Variants in TMPRSS9 observed in about 807,000 individuals in gnomAD.
TMPRSS9 encodes the protein transmembrane serine protease 9.
Under a neutral mutation model 111.4 loss-of-function variants are expected in TMPRSS9, and 113 were observed. That is an observed-to-expected ratio of 1.01 (90% CI 0.87 to 1.19). The LOEUF (loss-of-function observed/expected upper bound fraction) is 1.19. Ranked by LOEUF, TMPRSS9 falls within the 50% of genes most tolerant of loss-of-function variation. The pLI, the probability that TMPRSS9 is intolerant of heterozygous loss-of-function variation, is 0.00. For missense variants in TMPRSS9, 1,803 were observed against 1,513.1 expected (o/e 1.19, Z -3.18); for synonymous variants, 805 against 659.1 (o/e 1.22, Z -3.39).
At chr19:2,384,538 A>G (rs58851739) in intron 1 of TMPRSS9, among the ~76,000 whole-genome samples, 16,264 of 151,830 alleles carry the variant, frequency 0.11, 1,704 homozygotes, top group African/African-American at 0.28. Context: ...GGGTGTGGTC[A>G]GGCGCGGTGG....
intron 1 of TMPRSS9, among the ~76,000 whole-genome samples, chr19:2,393,935 G>C (rs1162213204): frequency 6.7e-6 from 1 of 149,140 alleles, no homozygotes; most frequent in Non-Finnish European, 1.5e-5. Flanking sequence ...GGGCGCGGTG[G>C]CTCCCACCTG....
At chr19:2,401,247 C>T (rs527477800) in intron 4 of TMPRSS9, among the ~76,000 whole-genome samples, 1 of 152,110 alleles carries the variant, frequency 6.6e-6, no homozygotes, top group Admixed American at 6.5e-5. Flanking sequence ...GCTCTCCAGC[C>T]TGGGCGACAG....
chr19:2,381,749 G>C (rs1441205541), intron 1 of TMPRSS9, among the ~76,000 whole-genome samples: 1 of 152,144 alleles, frequency 6.6e-6, no homozygotes, highest in African/African-American at 2.4e-5. Flanking sequence ...ATTCTGGCTG[G>C]GCCCCAGCAT....
At chr19:2,424,206 C>T in exon 15 of TMPRSS9, 3 of 1,451,454 alleles carry the variant, frequency 2.1e-6, no homozygotes, top group Non-Finnish European at 2.7e-6. Context: ...CGTTGCGGGG[C>T]CGTGCTGGTG....
chr19:2,389,114 G>A (rs1297790647), upstream of TMPRSS9, among the ~76,000 whole-genome samples: 1 of 141,626 alleles, frequency 7.1e-6, no homozygotes, highest in African/African-American at 2.7e-5. Context: ...TTGCTCTGTC[G>A]CCAGGCTGGA....
intron 1 of TMPRSS9, among the ~76,000 whole-genome samples, chr19:2,368,100 T>C (rs1358820300): frequency 6.6e-6 from 1 of 152,168 alleles, no homozygotes; most frequent in Non-Finnish European, 1.5e-5. Flanking sequence ...ATTGTAACTC[T>C]CTGGATTTGT....
At chr19:2,404,138 C>T (rs1270620092) in intron 6 of TMPRSS9, among the ~76,000 whole-genome samples, 1 of 152,008 alleles carries the variant, frequency 6.6e-6, no homozygotes, top group Non-Finnish European at 1.5e-5. Flanking sequence ...ACTGCACTGT[C>T]CAGCCTGGAT....
At chr19:2,401,423 G>C (rs1735449200) in intron 4 of TMPRSS9, among the ~76,000 whole-genome samples, 1 of 152,154 alleles carries the variant, frequency 6.6e-6, no homozygotes, top group Non-Finnish European at 1.5e-5. Flanking sequence ...GCCTTGTGCA[G>C]TTTGGTGGCC....
chr19:2,424,407 C>T (rs1971547404), intron 15 of TMPRSS9, 150 bp downstream of exon 16: 3 of 842,826 alleles, frequency 3.6e-6, no homozygotes, highest in East Asian at 6.7e-5. Context: ...TCCTCCCACC[C>T]CCCATCTCCC....
Position 2,424,180 on chromosome 19 carries a change from G to A in TMPRSS9, c.2640G>A (p.Leu880=), listed in dbSNP as rs375894004. The A allele has an allele frequency of 1.0e-3, 1,530 of 1,463,990 alleles. 1 individual carries two copies. Among genetic ancestry groups the A allele is most frequent in the Non-Finnish European group, 1.3e-3 (1,488 of 1,103,636 alleles). 90.7% of individuals were successfully genotyped at this position (1,463,990 alleles called of 1,614,324 possible). Residue 880 remains leucine (L), a synonymous_variant, in exon 15 of 18, where the codon CTG becomes CTA. Transcript: ENST00000648592. ...GGCCGTGGCAGGTGAGCCTGTGGCT[G>A]CGGCGCCGGGAACACCGTTGCGGGG...
In TMPRSS9 at chr19:2,424,201, CG is replaced by C; in HGVS notation, c.2665del (p.Ala889ProfsTer29). ...GGCTGCGGCGCCGGGAACACCGTTG[CG>C]GGGCCGTGCTGGTGGCAGAGAGGTG... On this transcript the variant is annotated frameshift_variant, in exon 15 of 18. Transcript: ENST00000648592. LOFTEE classifies it high-confidence loss of function. The C allele has an allele frequency of 6.9e-7, 1 of 1,453,608 alleles. No homozygotes were observed. Among genetic ancestry groups the C allele is most frequent in the Non-Finnish European group, 9.1e-7 (1 of 1,098,246 alleles). 90.0% of individuals were successfully genotyped at this position (1,453,608 alleles called of 1,614,324 possible).
At position 2,418,356 on chromosome 19, in the gene TMPRSS9, TCCCTC is replaced by T. The variant is rs1306878408; in HGVS notation, c.2154+221_2154+225del. ...CTTTCCTTCCCTCCCTTTCCCTCCC[TCCCTC>T]CCTTCCCTTCCCTCCCTCCCTTTCC... On this transcript the variant is annotated intron_variant, in intron 13 of 17. Coordinates refer to ENST00000648592, the Ensembl canonical transcript of TMPRSS9. 5.7e-4 allele frequency among the ~76,000 whole-genome samples: 27 copies of T among 47,092 alleles called. 9 individuals are homozygous for T. The highest frequency in any genetic ancestry group is 1.5e-3 in the African/African-American group (10 of 6,870). The allele number at this position is 47,092 out of a possible 152,430, so 30.9% of individuals were successfully genotyped here. A position where few individuals can be genotyped will look rare whatever the true frequency, so the allele number is the denominator to read the frequency against.
At chr19:2,423,838 G>A (rs888785148) in intron 14 of TMPRSS9, among the ~76,000 whole-genome samples, 5 of 152,084 alleles carry the variant, frequency 3.3e-5, no homozygotes, top group African/African-American at 4.8e-5. Context: ...GGGGCCTCCG[G>A]CAGGGGAAAC....
intron 13 of TMPRSS9, 67 bp from the exon 15 acceptor site, chr19:2,421,787 G>T: frequency 6.6e-7 from 1 of 1,509,384 alleles, no homozygotes; most frequent in Non-Finnish European, 8.9e-7. Context: ...GAACGCAGGA[G>T]GGTATGGCAG....
chr19:2,377,283 ATGTATGTATATATGTATGTATGTATG>A (rs1568169893), intron 1 of TMPRSS9, among the ~76,000 whole-genome samples: 3 of 117,324 alleles, frequency 2.6e-5, no homozygotes, highest in African/African-American at 5.4e-5. Context: ...GTATGTATGT[ATGTATGTATATATGTATGTATGTATG>A]TATGTATTTG....
At chr19:2,398,719 C>T in intron 2 of TMPRSS9, 76 bp from the exon 4 acceptor site, 1 of 1,079,936 alleles carries the variant, frequency 9.3e-7, no homozygotes, top group Non-Finnish European at 1.3e-6. Flanking sequence ...CTCCCTCCAA[C>T]ACCTGACAGG....
chr19:2,412,570 A>G (rs1971119504), intron 9 of TMPRSS9, among the ~76,000 whole-genome samples: 1 of 152,148 alleles, frequency 6.6e-6, no homozygotes, highest in Non-Finnish European at 1.5e-5. Context: ...GTGGTTGCCC[A>G]AATCCCTTTT....
intron 7 of TMPRSS9, among the ~76,000 whole-genome samples, chr19:2,407,369 C>A (rs533029751): frequency 1.3e-5 from 2 of 151,292 alleles, no homozygotes; most frequent in South Asian, 2.1e-4. Flanking sequence ...TAAAAACACA[C>A]AAAAAAATTA....
chr19:2,400,660 G>C (rs1490717556), intron 4 of TMPRSS9, among the ~76,000 whole-genome samples: 3 of 151,956 alleles, frequency 2.0e-5, no homozygotes, highest in Non-Finnish European at 4.4e-5. Flanking sequence ...TGGAGAGTCA[G>C]ATGCAAGTTC....
Sources: gnomAD v4.1 joint callset for allele counts (sites outside exome capture counted in the v4.1 genomes callset) on GRCh38, gnomAD v4.1.1 for gene constraint, MANE v1.5 for transcripts, NCBI Gene and HGNC (gene_info 2026-07-23, HGNC 2026-07-21) for gene names.